The following COG5 variants were observed in gnomAD, a reference collection of about 807,000 sequenced individuals.
The protein encoded by COG5 is conserved oligomeric Golgi complex subunit 5.
COG5 carries 86 observed loss-of-function variants against 110.4 expected under a neutral mutation model. That is an observed-to-expected ratio of 0.78 (90% CI 0.65 to 0.93). The LOEUF is 0.93. COG5 is among the 40% of genes least tolerant of loss of function. The probability of loss-of-function intolerance (pLI) is 0.00; values close to 1 mark genes in which losing one functional copy is unlikely to be tolerated. For missense variants in COG5, 1,077 were observed against 987.0 expected, an observed-to-expected ratio of 1.09 and a Z score of -1.22; for synonymous variants, 360 against 334.6, an observed-to-expected ratio of 1.08 and a Z score of -0.83.
At chr7:107,258,187 G>T in intron 15 of COG5, 86 bp downstream of exon 15, 1 of 781,174 alleles carries the variant, frequency 1.3e-6, no homozygotes, top group Non-Finnish European at 2.2e-6. Context: ...CTTTTCCAAA[G>T]TACTAAATAA....
intron 11 of COG5, among the ~76,000 whole-genome samples, chr7:107,314,582 CAAA>C (rs764317288): frequency 1.8e-5 from 1 of 55,058 alleles, no homozygotes; most frequent in Non-Finnish European, 4.0e-5. Context: ...ATCTCTACTA[CAAA>C]AAAAAAAAAA....
At chr7:107,377,381 CTT>C (rs1814727996) in intron 7 of COG5, among the ~76,000 whole-genome samples, 2 of 152,058 alleles carry the variant, frequency 1.3e-5, no homozygotes, top group South Asian at 4.1e-4. Context: ...ATTGTCTTAA[CTT>C]TTTTTAGTTT....
At chr7:107,246,221 G>A (rs1802044580) in intron 17 of COG5, among the ~76,000 whole-genome samples, 1 of 152,060 alleles carries the variant, frequency 6.6e-6, no homozygotes, top group African/African-American at 2.4e-5. Context: ...AACTCAAGAT[G>A]GATTAAATAC....
chr7:107,408,047 C>G (rs551391967), intron 7 of COG5, among the ~76,000 whole-genome samples: 1 of 152,194 alleles, frequency 6.6e-6, no homozygotes, highest in South Asian at 2.1e-4. Context: ...AAGACTAATA[C>G]AGTAATCAGG....
At chr7:107,344,794 G>A (rs1344595655) in intron 10 of COG5, among the ~76,000 whole-genome samples, 1 of 152,130 alleles carries the variant, frequency 6.6e-6, no homozygotes, top group Non-Finnish European at 1.5e-5. Context: ...AAAGTGCCGG[G>A]ATTACAGGCG....
chr7:107,426,116 ACTTCTAGC>A (rs768397647), intron 6 of COG5, among the ~76,000 whole-genome samples: 6 of 152,116 alleles, frequency 3.9e-5, no homozygotes, highest in Non-Finnish European at 5.9e-5. Flanking sequence ...TTGATTTTGG[ACTTCTAGC>A]CTCCAGAATT....
chr7:107,516,730 G>A (rs1017842263), intron 6 of COG5, among the ~76,000 whole-genome samples: 1 of 152,178 alleles, frequency 6.6e-6, no homozygotes, highest in African/African-American at 2.4e-5. Flanking sequence ...AGGGTCTGCA[G>A]TGGACCCCCA....
chr7:107,246,697 C>T (rs1230684903), intron 17 of COG5, among the ~76,000 whole-genome samples: 1 of 152,072 alleles, frequency 6.6e-6, no homozygotes, highest in Non-Finnish European at 1.5e-5. Flanking sequence ...GTCAGAATGG[C>T]TATCATTAAA....
At chr7:107,269,204 G>C (rs569458149) in intron 14 of COG5, among the ~76,000 whole-genome samples, 1 of 151,992 alleles carries the variant, frequency 6.6e-6, no homozygotes, top group African/African-American at 2.4e-5. Context: ...GGCCTGGCGC[G>C]GTGGCTCACG....
chr7:107,480,661 G>A (rs559287517), intron 6 of COG5, among the ~76,000 whole-genome samples: 3 of 152,032 alleles, frequency 2.0e-5, no homozygotes, highest in East Asian at 3.9e-4. Flanking sequence ...AAAAGCATTC[G>A]AAAAAGCAAA....
At chr7:107,262,707 C>T (rs7787027) in intron 14 of COG5, among the ~76,000 whole-genome samples, 2,844 of 152,172 alleles carry the variant, frequency 0.019, 89 homozygotes, top group African/African-American at 0.063. Flanking sequence ...CTCTAATCTC[C>T]GACACCTCCT....
At chr7:107,227,708 G>A (rs1800454266) in intron 19 of COG5, among the ~76,000 whole-genome samples, 1 of 151,694 alleles carries the variant, frequency 6.6e-6, no homozygotes, top group Non-Finnish European at 1.5e-5. Context: ...TTTTGGGGCG[G>A]GGGGTGTGGG....
chr7:107,242,376 C>T (rs1801712360), intron 17 of COG5, among the ~76,000 whole-genome samples: 1 of 152,204 alleles, frequency 6.6e-6, no homozygotes, highest in Admixed American at 6.5e-5. Flanking sequence ...CTACTAGGGA[C>T]TGGAATGGGC....
chr7:107,269,368 G>A (rs1337375504), intron 14 of COG5, among the ~76,000 whole-genome samples: 2 of 151,792 alleles, frequency 1.3e-5, no homozygotes, highest in East Asian at 1.9e-4. Flanking sequence ...CCAGCTACTC[G>A]GGAGGCTGAG....
At chr7:107,263,897 C>T (rs1416443725) in intron 14 of COG5, among the ~76,000 whole-genome samples, 2 of 151,990 alleles carry the variant, frequency 1.3e-5, no homozygotes, top group Admixed American at 6.6e-5. Flanking sequence ...AATCATCATG[C>T]CTGAGGACTA....
intron 10 of COG5, among the ~76,000 whole-genome samples, chr7:107,328,711 C>A (rs1274232377): frequency 1.3e-5 from 2 of 151,924 alleles, no homozygotes; most frequent in Admixed American, 1.3e-4. Context: ...ATTCTTTCCC[C>A]CATAAAACTC....
intron 7 of COG5, among the ~76,000 whole-genome samples, chr7:107,394,696 T>A (rs934803012): frequency 5.9e-5 from 9 of 152,158 alleles, no homozygotes; most frequent in African/African-American, 2.2e-4. Flanking sequence ...ACAGGATTTT[T>A]AAAACTTTAT....
intron 10 of COG5, among the ~76,000 whole-genome samples, chr7:107,332,021 G>A (rs1053915694): frequency 6.6e-6 from 1 of 151,988 alleles, no homozygotes; most frequent in Admixed American, 6.6e-5. Flanking sequence ...GATAATTTTT[G>A]TATTTTTAGT....
chr7:107,461,759 A>T (rs148046021), intron 6 of COG5, among the ~76,000 whole-genome samples: 1 of 152,354 alleles, frequency 6.6e-6, no homozygotes, highest in African/African-American at 2.4e-5. Context: ...TATATAAACA[A>T]ATCAAAATTT....
Sources: allele counts gnomAD v4.1 joint callset (sites outside exome capture counted in the v4.1 genomes callset), GRCh38; gene constraint gnomAD v4.1.1; transcripts MANE v1.5; gene names NCBI Gene and HGNC (gene_info 2026-07-23, HGNC 2026-07-21).